OSBPL8: variants seen among roughly 807,000 people sequenced by gnomAD.
OSBPL8 encodes the protein oxysterol-binding protein-related protein 8.
A neutral mutation model predicts 125.5 loss-of-function variants in OSBPL8; 59 were observed. The ratio of observed to expected loss-of-function variants is 0.47; its 90% confidence interval spans 0.38 to 0.58. OSBPL8 has a LOEUF of 0.58. Ranked by LOEUF, OSBPL8 falls within the 20% of genes least tolerant of loss-of-function variation. The probability of loss-of-function intolerance (pLI) is 0.00; values close to 1 mark genes in which losing one functional copy is unlikely to be tolerated. For synonymous variants in OSBPL8, 330 were observed against 338.9 expected, an observed-to-expected ratio of 0.97 and a Z score of 0.29; for missense variants, 758 against 1,047.8, an observed-to-expected ratio of 0.72 and a Z score of 3.82.
At chr12:76,378,413 G>C in intron 16 of OSBPL8, 39 bp downstream of exon 16, 3 of 1,338,774 alleles carry the variant, frequency 2.2e-6, no homozygotes, top group Non-Finnish European at 3.1e-6. Context: ...TACTTAAAAG[G>C]AAAGCTTAAT....
chr12:76,517,638 G>A (rs1881681368), intron 1 of OSBPL8, among the ~76,000 whole-genome samples: 1 of 152,218 alleles, frequency 6.6e-6, no homozygotes, highest in East Asian at 1.9e-4. Flanking sequence ...AAATGAGGCT[G>A]GGTAATTTAT....
intron 4 of OSBPL8, among the ~76,000 whole-genome samples, chr12:76,444,255 G>T (rs1283205968): frequency 6.6e-6 from 1 of 152,136 alleles, no homozygotes; most frequent in East Asian, 1.9e-4. Flanking sequence ...CATTTATTAT[G>T]AATGTAATTT....
chr12:76,444,664 C>T (rs1418610347), intron 4 of OSBPL8, among the ~76,000 whole-genome samples: 1 of 152,202 alleles, frequency 6.6e-6, no homozygotes, highest in African/African-American at 2.4e-5. Flanking sequence ...TAAATTTATG[C>T]TCTCAATTGC....
chr12:76,437,964 A>G (rs1871679694), intron 4 of OSBPL8, among the ~76,000 whole-genome samples: 1 of 152,046 alleles, frequency 6.6e-6, no homozygotes, highest in South Asian at 2.1e-4. Context: ...GTTAACATAA[A>G]TTAAGTAAAA....
At chr12:76,442,335 A>C (rs1246523687) in intron 4 of OSBPL8, among the ~76,000 whole-genome samples, 1 of 152,148 alleles carries the variant, frequency 6.6e-6, no homozygotes, top group Non-Finnish European at 1.5e-5. Context: ...AAACGATTTC[A>C]TTTTTATATC....
At chr12:76,475,980 C>T (rs1805925900) in intron 2 of OSBPL8, among the ~76,000 whole-genome samples, 1 of 152,226 alleles carries the variant, frequency 6.6e-6, no homozygotes, top group South Asian at 2.1e-4. Flanking sequence ...GAGAGGCCAA[C>T]TACTACCGTC....
chr12:76,539,082 A>C (rs928548915), intron 1 of OSBPL8, among the ~76,000 whole-genome samples: 5 of 149,918 alleles, frequency 3.3e-5, no homozygotes, highest in African/African-American at 1.2e-4. Flanking sequence ...AGTATCCTGA[A>C]TCTCTTACTT....
At chr12:76,523,908 A>C (rs762205336) in intron 1 of OSBPL8, among the ~76,000 whole-genome samples, 2 of 152,216 alleles carry the variant, frequency 1.3e-5, no homozygotes, top group Non-Finnish European at 2.9e-5. Flanking sequence ...AAAAACAAAG[A>C]AATTATGAAT....
intron 2 of OSBPL8, among the ~76,000 whole-genome samples, chr12:76,469,307 T>C (rs1875836834): frequency 6.6e-6 from 1 of 152,148 alleles, no homozygotes; most frequent in Admixed American, 6.5e-5. Context: ...TCATTCTTCT[T>C]ATATAAAGCA....
intron 6 of OSBPL8, among the ~76,000 whole-genome samples, chr12:76,401,968 C>CT: frequency 6.6e-6 from 1 of 152,222 alleles, no homozygotes; most frequent in South Asian, 2.1e-4. Flanking sequence ...TTTTTAAAAA[C>CT]TAACAAAATC....
intron 6 of OSBPL8, among the ~76,000 whole-genome samples, chr12:76,400,753 T>C (rs1954018547): frequency 1.3e-5 from 2 of 151,810 alleles, no homozygotes; most frequent in African/African-American, 4.8e-5. Context: ...GTTTTTCTGA[T>C]CACTAGTCCA....
intron 11 of OSBPL8, 134 bp from the exon 12 acceptor site, chr12:76,389,963 T>A (rs1953488999): frequency 3.1e-6 from 2 of 638,048 alleles, no homozygotes; most frequent in Non-Finnish European, 4.6e-6. Context: ...AAACAAAAAA[T>A]AATAATAAAA....
At position 76,354,466 on chromosome 12, in the gene OSBPL8, A is replaced by T. The variant is rs1223067879; in HGVS notation, c.*1423T>A. On this transcript the variant is annotated 3_prime_UTR_variant, in exon 24 of 24. Coordinates refer to ENST00000261183, the MANE Select transcript of OSBPL8 (RefSeq NM_020841.5). ...TGGCATAAACGATTATAATTTTACTATTTCACAGCCTCCTCCTACTGAAAG... is the reference window on the plus strand; with the variant it reads ...TGGCATAAACGATTATAATTTTACTTTTTCACAGCCTCCTCCTACTGAAAG... 6 of 151,852 alleles carry T rather than the reference A, an allele frequency of 4.0e-5. No individual in the cohort carries two copies. Among genetic ancestry groups the T allele is most frequent in the Admixed American group, 3.9e-4 (6 of 15,240 alleles). The allele number at this position is 151,852 out of a possible 1,614,324, so 9.4% of individuals were successfully genotyped here. A position where few individuals can be genotyped will look rare whatever the true frequency, so the allele number is the denominator to read the frequency against.
At chr12:76,440,181 T>A (rs1456764808) in intron 4 of OSBPL8, among the ~76,000 whole-genome samples, 1 of 152,116 alleles carries the variant, frequency 6.6e-6, no homozygotes, top group African/African-American at 2.4e-5. Context: ...TAAAAATGAC[T>A]CTCACCCATT....
chr12:76,519,022 ACTGCCTG>A (rs1265424934), intron 1 of OSBPL8, among the ~76,000 whole-genome samples: 1 of 152,170 alleles, frequency 6.6e-6, no homozygotes, highest in African/African-American at 2.4e-5. Context: ...TGGTTGCTCC[ACTGCCTG>A]CTTGGATTCT....
chr12:76,505,663 A>G (rs1880340815), intron 1 of OSBPL8, among the ~76,000 whole-genome samples: 1 of 152,028 alleles, frequency 6.6e-6, no homozygotes, highest in Non-Finnish European at 1.5e-5. Flanking sequence ...TGAGGGGGTG[A>G]GCAATTCAAA....
intron 1 of OSBPL8, among the ~76,000 whole-genome samples, chr12:76,523,536 CAT>C (rs1361132794): frequency 1.3e-5 from 2 of 152,312 alleles, no homozygotes; most frequent in Non-Finnish European, 2.9e-5. Context: ...AATGTGATGA[CAT>C]GTGGAGATAG....
intron 2 of OSBPL8, among the ~76,000 whole-genome samples, chr12:76,483,766 C>A (rs1877823382): frequency 6.8e-6 from 1 of 146,656 alleles, no homozygotes; most frequent in Admixed American, 6.9e-5. Context: ...CTTCAGCCTC[C>A]CGACTTCAGA....
At chr12:76,429,670 C>T (rs915068705) in intron 4 of OSBPL8, among the ~76,000 whole-genome samples, 1 of 151,994 alleles carries the variant, frequency 6.6e-6, no homozygotes, top group South Asian at 2.1e-4. Flanking sequence ...ATTCAAACAA[C>T]AATGTGACAT....
Sources: allele counts gnomAD v4.1 joint callset (sites outside exome capture counted in the v4.1 genomes callset), GRCh38; gene constraint gnomAD v4.1.1; transcripts MANE v1.5; gene names NCBI Gene and HGNC (gene_info 2026-07-23, HGNC 2026-07-21).